Variants in ADAM10 observed in about 807,000 individuals in gnomAD.
ADAM10 encodes the protein disintegrin and metalloproteinase domain-containing protein 10.
Under a neutral mutation model 90.1 loss-of-function variants are expected in ADAM10, and 17 were observed. The observed-to-expected ratio is 0.19, with a 90% CI of 0.13 to 0.28. The LOEUF is 0.28. Ranked by LOEUF, ADAM10 falls within the 10% of genes least tolerant of loss-of-function variation. The pLI is 1.00. For synonymous variants in ADAM10, 310 were observed against 298.6 expected (o/e 1.04, Z -0.40); for missense variants, 610 against 914.3 (o/e 0.67, Z 4.29).
chr15:58,729,876 C>T (rs999006437), intron 1 of ADAM10, among the ~76,000 whole-genome samples: 3 of 151,144 alleles, frequency 2.0e-5, no homozygotes, highest in Non-Finnish European at 4.4e-5. Context: ...GCAGAAGAAC[C>T]GCTTGAACCC....
intron 5 of ADAM10, among the ~76,000 whole-genome samples, chr15:58,649,735 A>T (rs1269337972): frequency 2.6e-5 from 4 of 152,136 alleles, no homozygotes; most frequent in African/African-American, 9.7e-5. Flanking sequence ...TGGCTTTCGG[A>T]CTTCTCAAAT....
At chr15:58,742,416 C>T (rs12910927) in intron 1 of ADAM10, among the ~76,000 whole-genome samples, 44,574 of 152,088 alleles carry the variant, frequency 0.29, 9,013 homozygotes, top group African/African-American at 0.57. Context: ...AAATCATACA[C>T]TGAACCATCA....
chr15:58,598,244 A>G (rs897494825), intron 15 of ADAM10, among the ~76,000 whole-genome samples: 7 of 152,326 alleles, frequency 4.6e-5, no homozygotes, highest in Admixed American at 4.6e-4. Context: ...TAAGTTTTTA[A>G]AGGTGCTATT....
At chr15:58,726,890 AGGAGG>A (rs577917789) in intron 1 of ADAM10, among the ~76,000 whole-genome samples, 230 of 134,936 alleles carry the variant, frequency 1.7e-3, no homozygotes, top group Non-Finnish European at 2.1e-3. Context: ...GGGAGGGGAG[AGGAGG>A]GGAGGGGAGG....
chr15:58,728,885 T>C (rs145747387), intron 1 of ADAM10, among the ~76,000 whole-genome samples: 161 of 152,262 alleles, frequency 1.1e-3, no homozygotes, highest in Middle Eastern at 0.01. Flanking sequence ...TAATAGGACA[T>C]AAGTAGTAAG....
intron 15 of ADAM10, among the ~76,000 whole-genome samples, chr15:58,599,152 G>GA (rs1457022827): frequency 8.8e-5 from 1 of 11,416 alleles, no homozygotes; most frequent in Non-Finnish European, 1.5e-4. Flanking sequence ...GTGAGAGAAA[G>GA]AAAAAAGAAA....
intron 1 of ADAM10, among the ~76,000 whole-genome samples, chr15:58,724,334 G>A (rs2140827311): frequency 6.6e-6 from 1 of 152,200 alleles, no homozygotes; most frequent in Non-Finnish European, 1.5e-5. Flanking sequence ...TCTAGGGTGG[G>A]AGGCAGGGTA....
intron 5 of ADAM10, among the ~76,000 whole-genome samples, chr15:58,651,080 C>A (rs1267415053): frequency 6.6e-6 from 1 of 151,524 alleles, no homozygotes; most frequent in Admixed American, 6.6e-5. Flanking sequence ...AATGTTTTGC[C>A]CATTATCTAT....
intron 1 of ADAM10, among the ~76,000 whole-genome samples, chr15:58,744,282 C>T (rs1899716746): frequency 6.6e-6 from 1 of 152,088 alleles, no homozygotes; most frequent in Non-Finnish European, 1.5e-5. Flanking sequence ...GAAAAAACTA[C>T]CTAAAGCCCA....
Position 58,610,204 on chromosome 15 carries a change from A to G in ADAM10, c.2025+93T>C, listed in dbSNP as rs1226808698. ...TAAAGTAATTCTAATATAAATAGTTAAGTTGTTTTCTCGTAACTTTGATGA... is the reference window on the plus strand; with the variant it reads ...TAAAGTAATTCTAATATAAATAGTTGAGTTGTTTTCTCGTAACTTTGATGA... On this transcript the variant is annotated intron_variant, in intron 14 of 15. Transcript: ENST00000260408. 8 of 971,898 alleles carry G rather than the reference A, an allele frequency of 8.2e-6. No individual in the cohort carries two copies. The Admixed American group carries it at 1.5e-4, about 18-fold the overall frequency. The allele number at this position is 971,898 out of a possible 1,614,324, so 60.2% of individuals were successfully genotyped here.
intron 8 of ADAM10, among the ~76,000 whole-genome samples, chr15:58,635,953 C>T (rs1896238700): frequency 6.6e-6 from 1 of 152,030 alleles, no homozygotes; most frequent in Admixed American, 6.6e-5. Context: ...TAAACAACTG[C>T]TTTTGGTCTT....
intron 2 of ADAM10, chr15:58,691,376 G>T: frequency 1.1e-6 from 1 of 870,262 alleles, no homozygotes; most frequent in Non-Finnish European, 1.9e-6. Flanking sequence ...TTACCTCGAA[G>T]CCCTTCTTCC....
chr15:58,708,456 G>C (rs1292695373), intron 2 of ADAM10, among the ~76,000 whole-genome samples: 4 of 152,054 alleles, frequency 2.6e-5, no homozygotes, highest in Non-Finnish European at 4.4e-5. Flanking sequence ...GAGCCCAAGA[G>C]TTCGAGACCG....
chr15:58,680,063 T>A (rs1180727876), intron 3 of ADAM10, among the ~76,000 whole-genome samples: 1 of 152,152 alleles, frequency 6.6e-6, no homozygotes, highest in African/African-American at 2.4e-5. Flanking sequence ...CCATCCGATA[T>A]ATTGTGCATG....
chr15:58,740,059 C>A (rs1899555326), intron 1 of ADAM10, among the ~76,000 whole-genome samples: 2 of 152,214 alleles, frequency 1.3e-5, no homozygotes, highest in African/African-American at 4.8e-5. Context: ...TCCCTCTTAA[C>A]ATTGTCTTTC....
In ADAM10 at chr15:58,727,719, A is replaced by G. The variant is rs955318456; in HGVS notation, c.56-9992T>C. 9.9e-5 allele frequency among the ~76,000 whole-genome samples: 15 copies of G among 152,204 alleles called. No homozygotes were observed. The East Asian group carries it at 2.1e-3, about 21-fold the overall frequency. ...TAAAGTAAAAAGGACGGGAAAATATATAACATCCAAACCCTAATCCAAAGA... is the reference window on the plus strand; with the variant it reads ...TAAAGTAAAAAGGACGGGAAAATATGTAACATCCAAACCCTAATCCAAAGA... On this transcript the variant is annotated intron_variant, in intron 1 of 15. Coordinates refer to ENST00000260408, the MANE Select transcript of ADAM10 (RefSeq NM_001110.4).
intron 2 of ADAM10, chr15:58,691,580 A>C (rs745568918): frequency 4.0e-6 from 2 of 499,672 alleles, no homozygotes; most frequent in South Asian, 3.1e-5. Flanking sequence ...CATGGATTCC[A>C]AGCCACGAGA....
intron 5 of ADAM10, among the ~76,000 whole-genome samples, chr15:58,655,938 G>A (rs1474071880): frequency 6.6e-6 from 1 of 150,810 alleles, no homozygotes; most frequent in African/African-American, 2.4e-5. Flanking sequence ...ATAGAGACAG[G>A]ATTTCGCCAT....
chr15:58,727,912 G>C (rs1271663926), intron 1 of ADAM10, among the ~76,000 whole-genome samples: 1 of 152,022 alleles, frequency 6.6e-6, no homozygotes, highest in African/African-American at 2.4e-5. Flanking sequence ...AAAGTTGATA[G>C]AACAGAAAAA....
Sources: gnomAD v4.1 joint callset for allele counts (sites outside exome capture counted in the v4.1 genomes callset) on GRCh38, gnomAD v4.1.1 for gene constraint, MANE v1.5 for transcripts, NCBI Gene and HGNC (gene_info 2026-07-23, HGNC 2026-07-21) for gene names.